The following LRP1B variants were observed in gnomAD, a reference collection of about 807,000 sequenced individuals.
LRP1B encodes the protein low-density lipoprotein receptor-related protein 1B.
In LRP1B, 217 loss-of-function variants were observed where a neutral mutation model predicts 556.6. That is an observed-to-expected ratio of 0.39 (90% CI 0.35 to 0.44). LRP1B has a LOEUF of 0.44. Ranked by LOEUF, LRP1B falls within the 20% of genes least tolerant of loss-of-function variation. The pLI is 1.00. For synonymous variants in LRP1B, 2,047 were observed against 1,865.8 expected, an observed-to-expected ratio of 1.10 and a Z score of -2.50; for missense variants, 5,053 against 5,620.8, an observed-to-expected ratio of 0.90 and a Z score of 3.23.
intron 35 of LRP1B, among the ~76,000 whole-genome samples, chr2:140,736,090 G>A (rs994676551): frequency 6.6e-6 from 1 of 152,112 alleles, no homozygotes; most frequent in Admixed American, 6.6e-5. Flanking sequence ...CTTTCTTCAT[G>A]TAGAAATATC....
intron 2 of LRP1B, among the ~76,000 whole-genome samples, chr2:141,503,707 C>T (rs1315708190): frequency 1.3e-5 from 2 of 152,058 alleles, no homozygotes; most frequent in Non-Finnish European, 2.9e-5. Context: ...ATGAATACAT[C>T]TTTTAATTCA....
intron 1 of LRP1B, among the ~76,000 whole-genome samples, chr2:142,124,723 T>C (rs528393991): frequency 1.1e-4 from 17 of 152,002 alleles, no homozygotes; most frequent in Middle Eastern, 3.4e-3. Flanking sequence ...ATGTAGTTAC[T>C]ACCAAAAATA....
chr2:140,644,461 C>G (rs139924045), intron 41 of LRP1B, among the ~76,000 whole-genome samples: 1 of 149,138 alleles, frequency 6.7e-6, no homozygotes, highest in African/African-American at 2.5e-5. Context: ...GGGAGTGGCA[C>G]TATGTTCATT....
chr2:141,009,287 A>C (rs1697670793), intron 14 of LRP1B, among the ~76,000 whole-genome samples: 1 of 151,878 alleles, frequency 6.6e-6, no homozygotes, highest in African/African-American at 2.4e-5. Flanking sequence ...AAAGGCTGAG[A>C]GAGTGAGATC....
At chr2:141,837,938 T>A (rs1397239025) in intron 1 of LRP1B, among the ~76,000 whole-genome samples, 1 of 152,132 alleles carries the variant, frequency 6.6e-6, no homozygotes, top group Non-Finnish European at 1.5e-5. Flanking sequence ...AAAAAATGTA[T>A]GTCATGTTGT....
intron 3 of LRP1B, among the ~76,000 whole-genome samples, chr2:141,395,709 G>T (rs953404901): frequency 4.3e-4 from 65 of 152,016 alleles, no homozygotes; most frequent in African/African-American, 1.5e-3. Flanking sequence ...GGAGAGAAAA[G>T]AAAACTCTGG....
intron 41 of LRP1B, among the ~76,000 whole-genome samples, chr2:140,652,834 G>A (rs1327731794): frequency 6.6e-6 from 1 of 152,020 alleles, no homozygotes; most frequent in African/African-American, 2.4e-5. Flanking sequence ...AGATTACTTT[G>A]TGAGATTACT....
At chr2:140,448,212 C>T (rs980108581) in intron 63 of LRP1B, among the ~76,000 whole-genome samples, 2 of 152,034 alleles carry the variant, frequency 1.3e-5, no homozygotes, top group Non-Finnish European at 2.9e-5. Context: ...AATACAATAT[C>T]TGCAAAGCGC....
At chr2:140,614,383 AT>A (rs201443638) in intron 41 of LRP1B, among the ~76,000 whole-genome samples, 2,972 of 151,946 alleles carry the variant, frequency 0.02, 104 homozygotes, top group African/African-American at 0.068. Context: ...TACTGAGTAA[AT>A]TTTTTTTCTT....
intron 3 of LRP1B, among the ~76,000 whole-genome samples, chr2:141,404,564 A>G (rs1690560301): frequency 6.6e-6 from 1 of 152,232 alleles, no homozygotes; most frequent in South Asian, 2.1e-4. Context: ...ATCTGAGTGT[A>G]GAAATGTAAT....
At chr2:141,698,054 G>T (rs923705235) in intron 2 of LRP1B, among the ~76,000 whole-genome samples, 1 of 151,936 alleles carries the variant, frequency 6.6e-6, no homozygotes, top group Admixed American at 6.6e-5. Context: ...CTCTTGGAAG[G>T]ACAGTTGCTG....
intron 3 of LRP1B, among the ~76,000 whole-genome samples, chr2:141,419,656 T>G (rs1440084588): frequency 6.6e-6 from 1 of 152,084 alleles, no homozygotes; most frequent in Non-Finnish European, 1.5e-5. Context: ...TCTTCTCTCT[T>G]TTTTCTTAAT....
At chr2:140,533,653 G>A (rs189402549) in intron 47 of LRP1B, among the ~76,000 whole-genome samples, 40 of 152,226 alleles carry the variant, frequency 2.6e-4, no homozygotes, top group East Asian at 1.7e-3. Context: ...AAAGTTTCCC[G>A]TCCAGTGGTT....
In LRP1B at chr2:142,092,588, G is replaced by A. The variant is rs546283122; in HGVS notation, c.82+38060C>T. On this transcript the variant is annotated intron_variant, in intron 1 of 90. Coordinates refer to ENST00000389484, the MANE Select transcript of LRP1B (RefSeq NM_018557.3). The stretch of plus-strand genomic sequence containing the variant: ...CATAGGAGTGGATTAAAAGTATTGC[G>A]ATCTGATCCATTTGAGAGTTGGGGT... Among the ~76,000 whole-genome samples the A allele has an allele frequency of 2.0e-5, 3 of 152,054 alleles. No homozygotes were observed. The South Asian group carries it at 6.2e-4, about 32-fold the overall frequency.
At chr2:140,322,642 A>G (rs1428750528) in intron 81 of LRP1B, among the ~76,000 whole-genome samples, 3 of 152,032 alleles carry the variant, frequency 2.0e-5, no homozygotes, top group Non-Finnish European at 4.4e-5. Context: ...CTTTCCATCA[A>G]GTAGGAGTTT....
chr2:141,567,899 T>C (rs1005863697), intron 2 of LRP1B, among the ~76,000 whole-genome samples: 1 of 150,170 alleles, frequency 6.7e-6, no homozygotes, highest in African/African-American at 2.4e-5. Flanking sequence ...TCTCTTCTTC[T>C]GTTGTAGATT....
intron 1 of LRP1B, among the ~76,000 whole-genome samples, chr2:141,858,606 C>T (rs981260545): frequency 6.6e-6 from 1 of 151,980 alleles, no homozygotes; most frequent in African/African-American, 2.4e-5. Flanking sequence ...AGGACTATTA[C>T]TGTTATTTTT....
At chr2:141,934,911 T>A (rs7587996) in intron 1 of LRP1B, among the ~76,000 whole-genome samples, 1 of 152,072 alleles carries the variant, frequency 6.6e-6, no homozygotes, top group African/African-American at 2.4e-5. Flanking sequence ...GAAAACAGAC[T>A]AATACACCCA....
chr2:141,948,242 T>G (rs1701010787), intron 1 of LRP1B, among the ~76,000 whole-genome samples: 1 of 151,912 alleles, frequency 6.6e-6, no homozygotes, highest in Non-Finnish European at 1.5e-5. Flanking sequence ...GAGGTTGCAG[T>G]GAGCCAAAAT....
Sources: allele counts gnomAD v4.1 joint callset (sites outside exome capture counted in the v4.1 genomes callset), GRCh38; gene constraint gnomAD v4.1.1; transcripts MANE v1.5; gene names NCBI Gene and HGNC (gene_info 2026-07-23, HGNC 2026-07-21).